C8orf34: variants seen among roughly 807,000 people sequenced by gnomAD.
C8orf34 encodes uncharacterized protein C8orf34.
Under a neutral mutation model 68.3 loss-of-function variants are expected in C8orf34, and 65 were observed. That is an observed-to-expected ratio of 0.95 (90% CI 0.78 to 1.17). The LOEUF is 1.17. C8orf34 is among the 50% of genes most tolerant of loss of function. C8orf34 has a pLI of 0.00. For missense variants in C8orf34, 664 were observed against 655.4 expected (o/e 1.01, Z -0.14); for synonymous variants, 244 against 241.2 (o/e 1.01, Z -0.11).
At chr8:68,369,591 A>C (rs956508208) in intron 1 of C8orf34, among the ~76,000 whole-genome samples, 1 of 152,194 alleles carries the variant, frequency 6.6e-6, no homozygotes, top group Non-Finnish European at 1.5e-5. Context: ...TTACCTGTGC[A>C]TTCTGGATTG....
At chr8:68,680,511 TTTA>T (rs1820336586) in intron 8 of C8orf34, among the ~76,000 whole-genome samples, 1 of 152,122 alleles carries the variant, frequency 6.6e-6, no homozygotes, top group Non-Finnish European at 1.5e-5. Flanking sequence ...CAGCAAGTTT[TTTA>T]TTAAGGGTTT....
At chr8:68,433,817 TTAA>T (rs1810545830) in intron 1 of C8orf34, among the ~76,000 whole-genome samples, 1 of 152,228 alleles carries the variant, frequency 6.6e-6, no homozygotes, top group Non-Finnish European at 1.5e-5. Flanking sequence ...CATTCCAGTT[TTAA>T]TAATAAGTGA....
At chr8:68,619,353 G>A (rs1818321639) in intron 7 of C8orf34, among the ~76,000 whole-genome samples, 1 of 152,058 alleles carries the variant, frequency 6.6e-6, no homozygotes. Context: ...CATAAATAAA[G>A]GAGAGGTTGA....
intron 10 of C8orf34, among the ~76,000 whole-genome samples, chr8:68,728,548 G>A (rs12544474): frequency 0.18 from 27,928 of 152,126 alleles, 2,797 homozygotes; most frequent in Middle Eastern, 0.3. Flanking sequence ...CCAAGGCTGG[G>A]AACAGAATGA....
At chr8:68,788,630 G>A (rs1255402438) in intron 12 of C8orf34, among the ~76,000 whole-genome samples, 1 of 152,182 alleles carries the variant, frequency 6.6e-6, no homozygotes, top group African/African-American at 2.4e-5. Flanking sequence ...GGAGGCCAAG[G>A]TGGGCAGATC....
intron 2 of C8orf34, among the ~76,000 whole-genome samples, chr8:68,439,865 A>G (rs576042017): frequency 6.6e-6 from 1 of 152,326 alleles, no homozygotes; most frequent in Non-Finnish European, 1.5e-5. Flanking sequence ...AGCATTTTGC[A>G]TTTTAATACA....
intron 8 of C8orf34, among the ~76,000 whole-genome samples, chr8:68,642,845 A>G (rs1286779523): frequency 2.0e-5 from 3 of 152,142 alleles, no homozygotes; most frequent in Admixed American, 2.0e-4. Context: ...GGATTTTGAG[A>G]TAGAACTGTT....
chr8:68,464,560 C>T (rs1275016149), intron 3 of C8orf34, among the ~76,000 whole-genome samples: 2 of 152,126 alleles, frequency 1.3e-5, no homozygotes, highest in Non-Finnish European at 2.9e-5. Context: ...TACTACAAGC[C>T]TACAGTAACC....
At chr8:68,814,449 C>T (rs184896999) in intron 12 of C8orf34, among the ~76,000 whole-genome samples, 1 of 152,158 alleles carries the variant, frequency 6.6e-6, no homozygotes, top group Non-Finnish European at 1.5e-5. Flanking sequence ...TATTTCAAAC[C>T]CTTCCATGTA....
chr8:68,361,044 C>T (rs570978617), intron 1 of C8orf34, among the ~76,000 whole-genome samples: 10 of 152,154 alleles, frequency 6.6e-5, no homozygotes, highest in South Asian at 6.2e-4. Context: ...TGTGAGCCAC[C>T]GCATCCGGCC....
At chr8:68,460,589 A>G (rs1168669440) in intron 3 of C8orf34, among the ~76,000 whole-genome samples, 1 of 152,180 alleles carries the variant, frequency 6.6e-6, no homozygotes, top group Non-Finnish European at 1.5e-5. Flanking sequence ...CCCCTCTGAG[A>G]CAAAACTTCC....
chr8:68,384,474 G>A (rs1007771122), intron 1 of C8orf34, among the ~76,000 whole-genome samples: 1 of 152,280 alleles, frequency 6.6e-6, no homozygotes, highest in Non-Finnish European at 1.5e-5. Context: ...TGCTTTACTT[G>A]TTAAATAAAA....
intron 7 of C8orf34, among the ~76,000 whole-genome samples, chr8:68,541,255 G>T (rs1815689573): frequency 6.6e-6 from 1 of 151,892 alleles, no homozygotes. Context: ...TTGAGTTCAG[G>T]AGTTCAAGAC....
chr8:68,413,554 T>G (rs955995793), intron 1 of C8orf34, among the ~76,000 whole-genome samples: 1 of 152,222 alleles, frequency 6.6e-6, no homozygotes, highest in Non-Finnish European at 1.5e-5. Flanking sequence ...ATTGGAGCTC[T>G]TGGTACCCAT....
At chr8:68,655,677 T>C (rs1386867199) in intron 8 of C8orf34, among the ~76,000 whole-genome samples, 2 of 152,156 alleles carry the variant, frequency 1.3e-5, no homozygotes, top group Non-Finnish European at 2.9e-5. Flanking sequence ...CAGTTAGGTG[T>C]ATTAAATGCA....
At chr8:68,522,449 T>C (rs890844652) in intron 6 of C8orf34, among the ~76,000 whole-genome samples, 2 of 152,148 alleles carry the variant, frequency 1.3e-5, no homozygotes, top group Non-Finnish European at 2.9e-5. Flanking sequence ...AAGTTTAGAG[T>C]TGATAACTAT....
chr8:68,385,431 G>T (rs1343588283), intron 1 of C8orf34, among the ~76,000 whole-genome samples: 1 of 152,118 alleles, frequency 6.6e-6, no homozygotes, highest in Non-Finnish European at 1.5e-5. Flanking sequence ...AGAAAACTAG[G>T]TATATTCTGG....
intron 1 of C8orf34, among the ~76,000 whole-genome samples, chr8:68,422,282 A>C (rs1810013724): frequency 6.6e-6 from 1 of 152,338 alleles, no homozygotes; most frequent in East Asian, 1.9e-4. Flanking sequence ...TGGAAAATCA[A>C]AAGCAAGTTA....
intron 3 of C8orf34, among the ~76,000 whole-genome samples, chr8:68,459,742 G>T (rs117751021): frequency 0.049 from 7,525 of 152,280 alleles, 252 homozygotes; most frequent in Non-Finnish European, 0.075. Flanking sequence ...CAATAGAAAA[G>T]ATGTGGAATC....
Sources: gnomAD v4.1 joint callset for allele counts (sites outside exome capture counted in the v4.1 genomes callset) on GRCh38, gnomAD v4.1.1 for gene constraint, MANE v1.5 for transcripts, NCBI Gene and HGNC (gene_info 2026-07-23, HGNC 2026-07-21) for gene names.